FSTL5: variants seen among roughly 807,000 people sequenced by gnomAD.
FSTL5 encodes follistatin like 5.
In FSTL5, 62 loss-of-function variants were observed where a neutral mutation model predicts 89.1. The observed-to-expected ratio is 0.70, with a 90% CI of 0.57 to 0.86. FSTL5 has a LOEUF of 0.86. Among genes scored for constraint, FSTL5 ranks in the 40% least tolerant of loss-of-function variants. The probability of loss-of-function intolerance (pLI) is 0.00; values close to 1 mark genes in which losing one functional copy is unlikely to be tolerated. For synonymous variants in FSTL5, 383 were observed against 346.2 expected, an observed-to-expected ratio of 1.11 and a Z score of -1.18; for missense variants, 1,057 against 1,001.6, an observed-to-expected ratio of 1.06 and a Z score of -0.75.
chr4:161,469,935 C>A (rs1465977201), intron 13 of FSTL5, among the ~76,000 whole-genome samples: 2 of 152,088 alleles, frequency 1.3e-5, no homozygotes, highest in African/African-American at 4.8e-5. Flanking sequence ...ACTTTTGAAT[C>A]CAGTTTTGGT....
At chr4:162,119,108 G>C (rs1388772951) in intron 1 of FSTL5, among the ~76,000 whole-genome samples, 3 of 151,930 alleles carry the variant, frequency 2.0e-5, no homozygotes, top group Non-Finnish European at 4.4e-5. Flanking sequence ...TATAGTCGTA[G>C]CTACTCTACT....
At chr4:162,152,872 A>AG (rs1424700882) in intron 1 of FSTL5, among the ~76,000 whole-genome samples, 1 of 151,980 alleles carries the variant, frequency 6.6e-6, no homozygotes, top group Non-Finnish European at 1.5e-5. Flanking sequence ...CTGGAAAGAA[A>AG]AAAAAAAACC....
chr4:161,690,976 A>G (rs1307107972), intron 6 of FSTL5, among the ~76,000 whole-genome samples: 1 of 152,176 alleles, frequency 6.6e-6, no homozygotes, highest in Non-Finnish European at 1.5e-5. Context: ...TGCAAAGCAC[A>G]TGATTTCATT....
chr4:162,162,122 T>G (rs1276265763), intron 1 of FSTL5, among the ~76,000 whole-genome samples: 2 of 152,102 alleles, frequency 1.3e-5, no homozygotes, highest in South Asian at 4.1e-4. Context: ...TGCAACAATA[T>G]GCATTGCTTG....
chr4:162,056,580 T>C (rs1388537528), intron 2 of FSTL5, among the ~76,000 whole-genome samples: 3 of 152,184 alleles, frequency 2.0e-5, no homozygotes, highest in Non-Finnish European at 4.4e-5. Context: ...TTGGAATCAA[T>C]ATGCATAAAT....
chr4:161,823,541 T>C (rs950105515), intron 4 of FSTL5, among the ~76,000 whole-genome samples: 4 of 152,150 alleles, frequency 2.6e-5, no homozygotes, highest in Non-Finnish European at 4.4e-5. Flanking sequence ...CACCAGATCT[T>C]GGGAGCAGGG....
At chr4:161,977,627 A>ATAATAATAAT (rs1553988105) in intron 3 of FSTL5, among the ~76,000 whole-genome samples, 1 of 92,332 alleles carries the variant, frequency 1.1e-5, no homozygotes, top group Admixed American at 1.3e-4. Context: ...AAAAAAAAAA[A>ATAATAATAAT]AAAAAAAAAA....
At chr4:162,085,587 G>T (rs1380102608) in intron 2 of FSTL5, among the ~76,000 whole-genome samples, 1 of 152,034 alleles carries the variant, frequency 6.6e-6, no homozygotes, top group East Asian at 1.9e-4. Flanking sequence ...CATCCAATAC[G>T]TATCTGGTGC....
At chr4:161,556,842 G>GTATATATATATATATATATA (rs776258465) in intron 8 of FSTL5, among the ~76,000 whole-genome samples, 1 of 132,850 alleles carries the variant, frequency 7.5e-6, no homozygotes, top group Non-Finnish European at 1.8e-5. Context: ...GTGTGTGTGT[G>GTATATATATATATATATATA]TGTGTATATA....
intron 3 of FSTL5, among the ~76,000 whole-genome samples, chr4:161,932,289 A>G (rs1168509550): frequency 6.6e-6 from 1 of 151,902 alleles, no homozygotes; most frequent in Non-Finnish European, 1.5e-5. Flanking sequence ...TAAAAATAAG[A>G]AATTTTTCTT....
chr4:161,518,359 T>A (rs1000689019), intron 10 of FSTL5, among the ~76,000 whole-genome samples: 4 of 152,128 alleles, frequency 2.6e-5, no homozygotes, highest in Non-Finnish European at 5.9e-5. Flanking sequence ...ACAGGAGCTT[T>A]AAGGATGCAT....
chr4:161,670,826 C>G (rs984254196), intron 6 of FSTL5, among the ~76,000 whole-genome samples: 3 of 152,120 alleles, frequency 2.0e-5, no homozygotes, highest in Non-Finnish European at 4.4e-5. Context: ...AACAATTCAT[C>G]CAGAATTAAT....
chr4:162,160,242 G>T (rs148671291), intron 1 of FSTL5, among the ~76,000 whole-genome samples: 1 of 151,652 alleles, frequency 6.6e-6, no homozygotes, highest in East Asian at 1.9e-4. Flanking sequence ...TCAAAACATG[G>T]TCCCATCCAT....
intron 4 of FSTL5, among the ~76,000 whole-genome samples, chr4:161,806,628 G>A (rs936915371): frequency 4.6e-5 from 7 of 152,190 alleles, no homozygotes; most frequent in African/African-American, 1.7e-4. Flanking sequence ...TAGATAGTCA[G>A]TAGAAAACAA....
chr4:161,718,587 C>T (rs1156544244), intron 6 of FSTL5, among the ~76,000 whole-genome samples: 1 of 151,974 alleles, frequency 6.6e-6, no homozygotes, highest in Non-Finnish European at 1.5e-5. Context: ...TGCCACCATG[C>T]CCGGCTACTT....
At chr4:161,891,037 C>A (rs546037563) in intron 4 of FSTL5, among the ~76,000 whole-genome samples, 12 of 151,454 alleles carry the variant, frequency 7.9e-5, no homozygotes, top group African/African-American at 2.9e-4. Flanking sequence ...TCTTGTCAGT[C>A]AAAAATTCTA....
chr4:162,011,964 G>A (rs982494009), intron 3 of FSTL5, among the ~76,000 whole-genome samples: 4 of 152,022 alleles, frequency 2.6e-5, no homozygotes, highest in Admixed American at 6.6e-5. Context: ...GCGTGTTTTT[G>A]ACTTATCTAG....
At position 162,163,839 on chromosome 4, in the gene FSTL5, A is replaced by T. The variant is rs897111952; in HGVS notation, c.-241T>A. Reference sequence around the variant, plus strand: ...GATACCACACTCCTTTGTCAAGTTGATATGGGTCCTGTTGGTGAAGCGGGT... The same window carrying T: ...GATACCACACTCCTTTGTCAAGTTGTTATGGGTCCTGTTGGTGAAGCGGGT... On this transcript the variant is annotated 5_prime_UTR_variant, in exon 1 of 16. Coordinates refer to ENST00000306100, the MANE Select transcript of FSTL5 (RefSeq NM_020116.5). 1 of 152,246 alleles carries T rather than the reference A, an allele frequency of 6.6e-6. No homozygotes were observed. Among genetic ancestry groups the T allele is most frequent in the African/African-American group, 2.4e-5 (1 of 41,460 alleles). 9.4% of individuals were successfully genotyped at this position (152,246 alleles called of 1,614,324 possible). A position where few individuals can be genotyped will look rare whatever the true frequency, so the allele number is the denominator to read the frequency against.
intron 7 of FSTL5, among the ~76,000 whole-genome samples, chr4:161,654,096 G>C (rs1357417501): frequency 6.6e-6 from 1 of 152,026 alleles, no homozygotes; most frequent in Non-Finnish European, 1.5e-5. Context: ...TTAGAGACCT[G>C]ACATATCCAG....
Sources: gnomAD v4.1 joint callset for allele counts (sites outside exome capture counted in the v4.1 genomes callset) on GRCh38, gnomAD v4.1.1 for gene constraint, MANE v1.5 for transcripts, NCBI Gene and HGNC (gene_info 2026-07-23, HGNC 2026-07-21) for gene names.